NPAS3: variants seen among roughly 807,000 people sequenced by gnomAD.
The protein encoded by NPAS3 is neuronal PAS domain-containing protein 3.
Under a neutral mutation model 73.1 loss-of-function variants are expected in NPAS3, and 14 were observed. The observed-to-expected ratio is 0.19, with a 90% CI of 0.13 to 0.30. NPAS3 has a LOEUF of 0.30. NPAS3 is among the 10% of genes least tolerant of loss of function. The pLI, the probability that NPAS3 is intolerant of heterozygous loss-of-function variation, is 1.00. For missense variants in NPAS3, 1,096 were observed against 1,250.0 expected (o/e 0.88, Z 1.86); for synonymous variants, 620 against 541.5 (o/e 1.14, Z -2.01).
At chr14:33,186,570 A>C (rs1022752692) in intron 2 of NPAS3, among the ~76,000 whole-genome samples, 1 of 152,152 alleles carries the variant, frequency 6.6e-6, no homozygotes, top group Non-Finnish European at 1.5e-5. Context: ...TGCCAGTTTC[A>C]ATCTGAACGC....
At chr14:33,439,706 A>T (rs997857541) in intron 4 of NPAS3, among the ~76,000 whole-genome samples, 57 of 152,394 alleles carry the variant, frequency 3.7e-4, no homozygotes, top group African/African-American at 1.3e-3. Context: ...GACAGAAAGC[A>T]GTAACTCGTC....
chr14:33,328,239 C>A (rs187688789), intron 3 of NPAS3, among the ~76,000 whole-genome samples: 1 of 152,044 alleles, frequency 6.6e-6, no homozygotes, highest in Admixed American at 6.5e-5. Context: ...TGGTTCCTCT[C>A]AGGTATAGAG....
intron 4 of NPAS3, among the ~76,000 whole-genome samples, chr14:33,507,028 T>C (rs61974989): frequency 6.6e-6 from 1 of 151,822 alleles, no homozygotes; most frequent in African/African-American, 2.4e-5. Flanking sequence ...AAAAAAAAAT[T>C]GTATTGCTCC....
intron 4 of NPAS3, among the ~76,000 whole-genome samples, chr14:33,405,427 C>G (rs766932759): frequency 5.3e-5 from 8 of 152,056 alleles, no homozygotes; most frequent in Non-Finnish European, 8.8e-5. Context: ...GCATTTCCTT[C>G]TCCCATATTT....
intron 3 of NPAS3, among the ~76,000 whole-genome samples, chr14:33,224,626 T>G (rs1032473939): frequency 6.6e-6 from 1 of 152,148 alleles, no homozygotes; most frequent in Non-Finnish European, 1.5e-5. Context: ...GATCCTAGTT[T>G]AGAACATTTT....
At chr14:33,712,087 A>T (rs1477363357) in intron 6 of NPAS3, among the ~76,000 whole-genome samples, 1 of 152,156 alleles carries the variant, frequency 6.6e-6, no homozygotes, top group Non-Finnish European at 1.5e-5. Context: ...GCAAATTGAC[A>T]TGCAAATAAG....
At chr14:33,103,410 T>A (rs1184364353) in intron 2 of NPAS3, among the ~76,000 whole-genome samples, 5 of 152,170 alleles carry the variant, frequency 3.3e-5, no homozygotes, top group Non-Finnish European at 7.4e-5. Context: ...TGTATATTAT[T>A]TCTGGCTTAC....
intron 3 of NPAS3, among the ~76,000 whole-genome samples, chr14:33,271,743 T>G (rs1034203361): frequency 6.6e-6 from 1 of 152,160 alleles, no homozygotes; most frequent in Admixed American, 6.6e-5. Context: ...ATTAGCACTT[T>G]TCTATCTCAC....
chr14:33,703,103 A>T (rs2060565582), intron 6 of NPAS3, among the ~76,000 whole-genome samples: 2 of 152,224 alleles, frequency 1.3e-5, no homozygotes, highest in Admixed American at 1.3e-4. Flanking sequence ...GGGGAAGAGG[A>T]TTGGGGCAGA....
chr14:33,680,452 T>TCTGTTC (rs774961233), intron 6 of NPAS3: 1 of 615,002 alleles, frequency 1.6e-6, no homozygotes, highest in Non-Finnish European at 2.9e-6. Flanking sequence ...AGATTTAGTT[T>TCTGTTC]CTGTTCCTGT....
chr14:33,689,048 C>T (rs943778182), intron 6 of NPAS3, among the ~76,000 whole-genome samples: 6 of 152,222 alleles, frequency 3.9e-5, no homozygotes, highest in Non-Finnish European at 8.8e-5. Context: ...TCCTGACCGA[C>T]ATTTGAGGAC....
chr14:33,203,754 C>G (rs371489581), intron 2 of NPAS3, among the ~76,000 whole-genome samples: 1 of 152,126 alleles, frequency 6.6e-6, no homozygotes, highest in Non-Finnish European at 1.5e-5. Flanking sequence ...CCAAGTCTTT[C>G]CTATTGTGAA....
intron 4 of NPAS3, among the ~76,000 whole-genome samples, chr14:33,372,629 A>G (rs2046141348): frequency 6.6e-6 from 1 of 152,196 alleles, no homozygotes; most frequent in Admixed American, 6.5e-5. Context: ...TATTTCAGGC[A>G]TGAATCGCAG....
At chr14:33,665,626 A>G (rs1398342320) in intron 5 of NPAS3, among the ~76,000 whole-genome samples, 1 of 152,176 alleles carries the variant, frequency 6.6e-6, no homozygotes, top group African/African-American at 2.4e-5. Context: ...CATGTACCCC[A>G]TGAATATATG....
intron 3 of NPAS3, among the ~76,000 whole-genome samples, chr14:33,292,395 G>C (rs966383510): frequency 2.6e-5 from 4 of 152,126 alleles, no homozygotes; most frequent in African/African-American, 9.7e-5. Flanking sequence ...CTGGACACGT[G>C]AACTCCCTTC....
intron 5 of NPAS3, among the ~76,000 whole-genome samples, chr14:33,633,804 A>G (rs1353477770): frequency 6.6e-6 from 1 of 151,964 alleles, no homozygotes; most frequent in African/African-American, 2.4e-5. Context: ...ACATAGTGAG[A>G]CTCCATCTCT....
chr14:33,565,005 C>T (rs944607283), intron 5 of NPAS3, among the ~76,000 whole-genome samples: 1 of 152,144 alleles, frequency 6.6e-6, no homozygotes, highest in Non-Finnish European at 1.5e-5. Context: ...CAAGTCCTCA[C>T]CCTTATATAA....
At chr14:33,645,473 G>GAGTT (rs1260713182) in intron 5 of NPAS3, among the ~76,000 whole-genome samples, 2 of 152,224 alleles carry the variant, frequency 1.3e-5, no homozygotes, top group East Asian at 1.9e-4. Context: ...AAGAATGATA[G>GAGTT]AGTTACTGTC....
At chr14:33,524,135 C>T (rs1333641582) in intron 4 of NPAS3, among the ~76,000 whole-genome samples, 1 of 152,110 alleles carries the variant, frequency 6.6e-6, no homozygotes, top group African/African-American at 2.4e-5. Context: ...TAAATGTCAC[C>T]TCCTCAGAAA....
Sources: allele counts gnomAD v4.1 joint callset (sites outside exome capture counted in the v4.1 genomes callset), GRCh38; gene constraint gnomAD v4.1.1; transcripts MANE v1.5; gene names NCBI Gene and HGNC (gene_info 2026-07-23, HGNC 2026-07-21).